The following ANK2 variants were observed in gnomAD, a reference collection of about 807,000 sequenced individuals.
ANK2 encodes ankyrin 2.
In ANK2, 83 loss-of-function variants were observed where a neutral mutation model predicts 360.5. That is an observed-to-expected ratio of 0.23 (90% CI 0.19 to 0.28). ANK2 has a LOEUF of 0.28. Among genes scored for constraint, ANK2 ranks in the 10% least tolerant of loss-of-function variants. The pLI is 1.00. For missense variants in ANK2, 4,201 were observed against 4,795.7 expected (o/e 0.88, Z 3.66); for synonymous variants, 1,740 against 1,759.5 (o/e 0.99, Z 0.28).
At chr4:112,978,010 G>A (rs1052257965) in intron 2 of ANK2, among the ~76,000 whole-genome samples, 2 of 152,120 alleles carry the variant, frequency 1.3e-5, no homozygotes, top group Admixed American at 1.3e-4. Flanking sequence ...TTGGGTGGCC[G>A]AGGTAGGTGG....
At chr4:112,953,347 G>A (rs897183286) in intron 2 of ANK2, among the ~76,000 whole-genome samples, 1 of 152,220 alleles carries the variant, frequency 6.6e-6, no homozygotes, top group African/African-American at 2.4e-5. Context: ...TTTCTATTTT[G>A]CATAGTTCTA....
intron 1 of ANK2, among the ~76,000 whole-genome samples, chr4:113,157,600 G>A (rs1159637855): frequency 6.6e-6 from 1 of 152,108 alleles, no homozygotes; most frequent in African/African-American, 2.4e-5. Flanking sequence ...TCAAACTTTG[G>A]GCCCTGCCCC....
chr4:112,712,345 G>T, the ANK2 span, among the ~76,000 whole-genome samples: 3 of 148,774 alleles, frequency 2.0e-5, no homozygotes, highest in African/African-American at 7.4e-5. Context: ...CTCCCAAAGT[G>T]CTGGGATTAC....
intron 1 of ANK2, among the ~76,000 whole-genome samples, chr4:112,822,111 C>A (rs1039707344): frequency 4.6e-5 from 7 of 151,784 alleles, no homozygotes; most frequent in African/African-American, 1.7e-4. Flanking sequence ...TATTTAAAAA[C>A]CATTTAAGGG....
At chr4:112,940,161 G>T (rs907860383) in intron 2 of ANK2, among the ~76,000 whole-genome samples, 1 of 152,090 alleles carries the variant, frequency 6.6e-6, no homozygotes, top group African/African-American at 2.4e-5. Context: ...GTAATTTGCT[G>T]CAATCACTAC....
Position 113,292,486 on chromosome 4 carries a change from A to T in ANK2, c.2348A>T (p.His783Leu). ...CACATCATCAACGTCCTGCTCCAGC[A>T]TGGGGCCAAGCCCAACGCCACCACT... ...HTHIINVLLQ[H>L]GAKPNATTAN... is the part of the protein sequence containing the mutation. Residue 783 changes from histidine to leucine, a missense_variant, in exon 21 of 46, where the codon CAT becomes CTT. Coordinates refer to ENST00000357077, the MANE Select transcript of ANK2 (RefSeq NM_001148.6). 1.2e-6 allele frequency: 2 copies of T among 1,611,598 alleles called. No homozygotes were observed. The highest frequency in any genetic ancestry group is 8.5e-7 in the Non-Finnish European group (1 of 1,178,814).
At chr4:113,007,762 A>C (rs960683282) in intron 2 of ANK2, among the ~76,000 whole-genome samples, 2 of 152,212 alleles carry the variant, frequency 1.3e-5, no homozygotes, top group African/African-American at 4.8e-5. Context: ...AGGCATAACT[A>C]AAATTAAAAC....
chr4:113,378,042 G>C (rs934391270), intron 45 of ANK2: 2 of 934,734 alleles, frequency 2.1e-6, no homozygotes, highest in Non-Finnish European at 3.0e-6. Context: ...TTGTTTGAAA[G>C]TCTATAGTTT....
intron 23 of ANK2, among the ~76,000 whole-genome samples, chr4:113,306,223 T>A (rs1461573116): frequency 6.6e-6 from 1 of 152,212 alleles, no homozygotes; most frequent in African/African-American, 2.4e-5. Context: ...CATATCCACT[T>A]GGGGAGATCA....
intron 1 of ANK2, among the ~76,000 whole-genome samples, chr4:113,084,554 A>G (rs1561942605): frequency 6.6e-6 from 1 of 152,244 alleles, no homozygotes; most frequent in Non-Finnish European, 1.5e-5. Context: ...TTAAGGAGAT[A>G]TTTTGGATTT....
chr4:112,944,854 T>C (rs2094452404), intron 2 of ANK2, among the ~76,000 whole-genome samples: 2 of 152,236 alleles, frequency 1.3e-5, no homozygotes, highest in Admixed American at 6.5e-5. Flanking sequence ...CAGGTAGCTC[T>C]CCCTCTGAGA....
the ANK2 span, among the ~76,000 whole-genome samples, chr4:112,760,796 TTTC>T: frequency 3.3e-4 from 50 of 151,446 alleles, no homozygotes; most frequent in South Asian, 1.2e-3. Context: ...TTATTATGTA[TTTC>T]TTCTTCTTCT....
chr4:113,177,514 A>G (rs2098263703), intron 2 of ANK2, among the ~76,000 whole-genome samples: 9 of 152,240 alleles, frequency 5.9e-5, no homozygotes, highest in Admixed American at 5.9e-4. Flanking sequence ...AAATAACACC[A>G]AAAAAGAGAA....
At chr4:113,274,780 A>G (rs2059640271) in intron 15 of ANK2, 131 bp downstream of exon 15, 4 of 922,128 alleles carry the variant, frequency 4.3e-6, no homozygotes, top group Admixed American at 2.1e-5. Context: ...CTACATATTT[A>G]AGACTCATTG....
chr4:113,297,470 T>C (rs567363650), intron 22 of ANK2, among the ~76,000 whole-genome samples: 1 of 152,266 alleles, frequency 6.6e-6, no homozygotes, highest in African/African-American at 2.4e-5. Context: ...GATATCCCAA[T>C]TACCCTGATT....
intron 34 of ANK2, among the ~76,000 whole-genome samples, chr4:113,343,593 T>G (rs1272607221): frequency 6.6e-6 from 1 of 152,220 alleles, no homozygotes; most frequent in Non-Finnish European, 1.5e-5. Flanking sequence ...AATAGAGCTA[T>G]AGACTTGATA....
chr4:113,334,055 CAGCTAGACACTCAAG>C lies in ANK2; in HGVS notation c.3379+851_3379+865del, dbSNP rs150638833. Among the ~76,000 whole-genome samples, 149 of 152,302 alleles carry C rather than the reference CAGCTAGACACTCAAG, an allele frequency of 9.8e-4. 2 individuals are homozygous for C. In the East Asian group the frequency reaches 0.027, roughly 27 times the overall value. ...CCAGGAACATACCAAGTTTTGTATACAGCTAGACACTCAAGAGCAAGTATAGCTGTTTATCAAGTT... is the reference window on the plus strand; with the variant it reads ...CCAGGAACATACCAAGTTTTGTATACAGCAAGTATAGCTGTTTATCAAGTT... On this transcript the variant is annotated intron_variant, in intron 29 of 45. Coordinates refer to ENST00000357077, the MANE Select transcript of ANK2 (RefSeq NM_001148.6).
the ANK2 span, among the ~76,000 whole-genome samples, chr4:112,798,878 T>G: frequency 4.3e-3 from 649 of 152,306 alleles, 2 homozygotes; most frequent in African/African-American, 0.015. Context: ...TTCAGTGGCA[T>G]TAAGTACATT....
rs151257283 is a variant in ANK2, at chr4:112,982,669, C to T, written c.21+78155C>T. Among the ~76,000 whole-genome samples, 936 of 152,244 alleles carry T rather than the reference C, an allele frequency of 6.1e-3. 15 individuals carry two copies. The highest frequency in any genetic ancestry group is 0.021 in the African/African-American group (886 of 41,540). On this transcript the variant is annotated intron_variant, in intron 2 of 30. Coordinates refer to the ANK2 transcript ENST00000503271. Reference sequence around the variant, plus strand: ...GATTCAGAGAGGATGGAGGGCACTGCGGGTGTGATCTGTGACTCTCATGTG... The same window carrying T: ...GATTCAGAGAGGATGGAGGGCACTGTGGGTGTGATCTGTGACTCTCATGTG...
Sources: gnomAD v4.1 joint callset for allele counts (sites outside exome capture counted in the v4.1 genomes callset) on GRCh38, gnomAD v4.1.1 for gene constraint, MANE v1.5 for transcripts, NCBI Gene and HGNC (gene_info 2026-07-23, HGNC 2026-07-21) for gene names.